ANKHD1: variants seen among roughly 807,000 people sequenced by gnomAD.
The protein encoded by ANKHD1 is ankyrin repeat and KH domain-containing protein 1.
A neutral mutation model predicts 230.5 loss-of-function variants in ANKHD1; 31 were observed. The ratio of observed to expected loss-of-function variants is 0.13; its 90% confidence interval spans 0.10 to 0.18. The LOEUF (loss-of-function observed/expected upper bound fraction) is 0.18. ANKHD1 is among the 10% of genes least tolerant of loss of function. The pLI, the probability that ANKHD1 is intolerant of heterozygous loss-of-function variation, is 1.00. For missense variants in ANKHD1, 2,256 were observed against 3,071.3 expected (o/e 0.73, Z 6.27); for synonymous variants, 1,074 against 1,117.6 (o/e 0.96, Z 0.78).
Position 140,520,932 on chromosome 5 carries a change from A to T in ANKHD1, c.4318-3134A>T, listed in dbSNP as rs536122479. On this transcript the variant is annotated intron_variant, in intron 24 of 33. Coordinates refer to ENST00000360839, the MANE Select transcript of ANKHD1 (RefSeq NM_017747.3). ...TACCCTAAAACTTAAAGTATAATAA[A>T]AAAAAAAAAAAAAGACTATCCAGTA... 5.6e-3 allele frequency among the ~76,000 whole-genome samples: 837 copies of T among 150,800 alleles called. 4 individuals carry two copies. The highest frequency in any genetic ancestry group is 0.018 in the African/African-American group (753 of 40,894).
chr5:140,496,617 G>T lies in ANKHD1; in HGVS notation c.2343G>T (p.Glu781Asp). 1 of 1,613,784 alleles carries T rather than the reference G, an allele frequency of 6.2e-7. No individual in the cohort carries two copies. Among genetic ancestry groups the T allele is most frequent in the Non-Finnish European group, 8.5e-7 (1 of 1,179,968 alleles). Residue 781 changes from glutamate (E) to aspartate (D), a missense_variant, in exon 15 of 34, where the codon GAG becomes GAT. Physicochemically the swap from Glu to Asp is conservative, Grantham distance 45. Around this residue, in one of 13 missense-constraint regions of ANKHD1, gnomAD observed 358 missense variants for 397.7 expected, o/e 0.90. Coordinates refer to ENST00000360839, the MANE Select transcript of ANKHD1 (RefSeq NM_017747.3). Reference protein sequence around the residue: ...PYQPLECIVEETEGKLNELGQ... With the variant: ...PYQPLECIVEDTEGKLNELGQ... The stretch of plus-strand genomic sequence containing the variant: ...AGCCTTTGGAGTGCATAGTAGAGGA[G>T]ACTGAAGGCAAGCTGAATGAACTGG...
intron 10 of ANKHD1, among the ~76,000 whole-genome samples, chr5:140,473,275 G>A (rs766452736): frequency 6.6e-6 from 1 of 151,716 alleles, no homozygotes; most frequent in Non-Finnish European, 1.5e-5. Context: ...TGATCTACCC[G>A]CCTCGGCCTC....
intron 7 of ANKHD1, among the ~76,000 whole-genome samples, chr5:140,453,835 A>C (rs1009486327): frequency 2.0e-5 from 3 of 152,226 alleles, no homozygotes; most frequent in Non-Finnish European, 4.4e-5. Flanking sequence ...CTAACGTCAA[A>C]ATGACAGGAT....
chr5:140,428,529 G>A (rs150288230), intron 1 of ANKHD1, among the ~76,000 whole-genome samples: 5 of 151,656 alleles, frequency 3.3e-5, no homozygotes, highest in Admixed American at 6.6e-5. Flanking sequence ...GCAGGCACTC[G>A]GCAGGCTGAG....
chr5:140,474,254 A>T (rs1750841046), intron 10 of ANKHD1, among the ~76,000 whole-genome samples: 1 of 152,180 alleles, frequency 6.6e-6, no homozygotes, highest in Non-Finnish European at 1.5e-5. Flanking sequence ...GGTAATGATT[A>T]ATATACAGTG....
intron 10 of ANKHD1, among the ~76,000 whole-genome samples, chr5:140,482,146 GT>G (rs910786218): frequency 1.1e-4 from 16 of 151,970 alleles, no homozygotes; most frequent in Non-Finnish European, 1.8e-4. Flanking sequence ...ATACCATAGT[GT>G]TTTTCTTCAG....
intron 10 of ANKHD1, chr5:140,472,355 C>G (rs771521488): frequency 1.3e-6 from 2 of 1,594,892 alleles, no homozygotes; most frequent in African/African-American, 2.7e-5. Context: ...TGTAGGTAAC[C>G]AGAACTCTGG....
chr5:140,467,861 C>T (rs904495536), intron 10 of ANKHD1, among the ~76,000 whole-genome samples: 2 of 151,990 alleles, frequency 1.3e-5, no homozygotes, highest in Non-Finnish European at 2.9e-5. Context: ...CTTTATCTTA[C>T]AAGGCAGTAC....
intron 1 of ANKHD1, among the ~76,000 whole-genome samples, chr5:140,415,270 C>G (rs1173873015): frequency 6.6e-6 from 1 of 151,656 alleles, no homozygotes; most frequent in Non-Finnish European, 1.5e-5. Flanking sequence ...GTAATCCCAG[C>G]TACTCAGGAG....
intron 29 of ANKHD1, among the ~76,000 whole-genome samples, chr5:140,533,097 C>CAAA (rs113564152): frequency 8.0e-6 from 1 of 125,558 alleles, no homozygotes; most frequent in African/African-American, 3.0e-5. Flanking sequence ...ACTCTGTCTC[C>CAAA]AAAAAAAAAA....
rs70988767 is a variant in ANKHD1, at chr5:140,503,553, C to CTTTTTTTTTTTTTTTTTTTTTTT, written c.3005-1258_3005-1236dup. Among the ~76,000 whole-genome samples the CTTTTTTTTTTTTTTTTTTTTTTT allele has an allele frequency of 1.4e-4, 7 of 51,418 alleles. 2 individuals carry two copies. Among genetic ancestry groups the CTTTTTTTTTTTTTTTTTTTTTTT allele is most frequent in the Non-Finnish European group, 2.3e-4 (7 of 30,512 alleles). The allele number at this position is 51,418 out of a possible 152,430, so 33.7% of individuals were successfully genotyped here. ...AATTTCTTTTAACTCAGTTTTCTTT[C>CTTTTTTTTTTTTTTTTTTTTTTT]TTTTTTTTTTTTTTTTTTTTTTTTT... On this transcript the variant is annotated intron_variant, in intron 15 of 33. Coordinates refer to ENST00000360839, the MANE Select transcript of ANKHD1 (RefSeq NM_017747.3).
rs188337154 is a variant in ANKHD1 at position 140,506,779 on chromosome 5, T to G, written c.3409-56T>G. ...GTCCTGTTTCTTTGTGTTTCCTTCA[T>G]TATAAGTTGAGCCCTTGGTGTAAAC... On this transcript the variant is annotated intron_variant, in intron 18 of 33. Coordinates refer to ENST00000360839, the MANE Select transcript of ANKHD1 (RefSeq NM_017747.3). This position sits in a 1 kb window ranked among gnomAD's most constrained non-coding sequence, Gnocchi z 4.7. 5,940 of 1,591,626 alleles carry G rather than the reference T, an allele frequency of 3.7e-3. 11 individuals are homozygous for G. Among genetic ancestry groups the G allele is most frequent in the Non-Finnish European group, 4.5e-3 (5,244 of 1,174,496 alleles).
chr5:140,529,644 T>C lies in ANKHD1; in HGVS notation c.6698T>C (p.Leu2233Pro). Reference sequence around the variant, plus strand: ...AACCAGGGCTGGGGAGATGGTCCACTGTCCTCACGAGTTGCTACAGATGCC... The same window carrying C: ...AACCAGGGCTGGGGAGATGGTCCACCGTCCTCACGAGTTGCTACAGATGCC... ...PANQGWGDGPLSSRVATDASF... is the reference protein window; with the variant it reads ...PANQGWGDGPPSSRVATDASF... The change falls in exon 29 of 34, where the codon CTG (leucine) becomes CCG (proline). Residue 2233 changes from leucine (L) to proline (P), a missense_variant. This residue lies in a region of ANKHD1 where 778 missense variants were observed against 966.5 expected (regional missense o/e 0.80). Coordinates refer to ENST00000360839, the MANE Select transcript of ANKHD1 (RefSeq NM_017747.3). 1 of 1,614,238 alleles carries C rather than the reference T, an allele frequency of 6.2e-7. No homozygotes were observed. Among genetic ancestry groups the C allele is most frequent in the Non-Finnish European group, 8.5e-7 (1 of 1,180,034 alleles).
intron 1 of ANKHD1, among the ~76,000 whole-genome samples, chr5:140,415,142 G>A (rs963814288): frequency 4.6e-5 from 7 of 151,974 alleles, no homozygotes; most frequent in African/African-American, 1.7e-4. Flanking sequence ...CCAGCGCTTT[G>A]GGGGGCCGAG....
At chr5:140,439,581 A>G (rs757012159) in intron 3 of ANKHD1, among the ~76,000 whole-genome samples, 1 of 152,172 alleles carries the variant, frequency 6.6e-6, no homozygotes, top group Non-Finnish European at 1.5e-5. Flanking sequence ...AAGACACAAG[A>G]ATCACTTGAA....
chr5:140,418,118 A>C (rs1388329406), intron 1 of ANKHD1, among the ~76,000 whole-genome samples: 19 of 148,666 alleles, frequency 1.3e-4, no homozygotes, highest in Admixed American at 1.3e-3. Context: ...CTGGGATTAC[A>C]GGCGTGAGCC....
intron 1 of ANKHD1, among the ~76,000 whole-genome samples, chr5:140,407,752 G>A (rs952127320): frequency 2.0e-5 from 3 of 151,968 alleles, no homozygotes; most frequent in Non-Finnish European, 2.9e-5. Context: ...TTAGCAAATC[G>A]AAATAAAAAT....
intron 10 of ANKHD1, among the ~76,000 whole-genome samples, chr5:140,470,369 C>T (rs1322828617): frequency 3.4e-5 from 5 of 148,838 alleles, no homozygotes; most frequent in African/African-American, 1.2e-4. Flanking sequence ...TAGTGGTGAC[C>T]GTGGGGTGAT....
intron 24 of ANKHD1, among the ~76,000 whole-genome samples, chr5:140,523,058 T>C (rs1753426016): frequency 1.3e-5 from 2 of 151,806 alleles, no homozygotes; most frequent in Admixed American, 6.6e-5. Flanking sequence ...TTTGTGTATA[T>C]TTAAAATGTA....
Sources: gnomAD v4.1 joint callset for allele counts (sites outside exome capture counted in the v4.1 genomes callset) on GRCh38, gnomAD v4.1.1 for gene constraint, gnomAD v4.1.1 regional missense constraint, Gnocchi (gnomAD v3.1) non-coding constraint, MANE v1.5 for transcripts, NCBI Gene and HGNC (gene_info 2026-07-23, HGNC 2026-07-21) for gene names.